Variants in ATG12 observed in about 807,000 individuals in gnomAD.
The protein encoded by ATG12 is ubiquitin-like protein ATG12.
Under a neutral mutation model 17.6 loss-of-function variants are expected in ATG12, and 19 were observed. The ratio of observed to expected loss-of-function variants is 1.08; its 90% confidence interval spans 0.75 to 1.58. ATG12 has a LOEUF of 1.58. Ranked by LOEUF, ATG12 falls within the 40% of genes most tolerant of loss-of-function variation. The probability of loss-of-function intolerance (pLI) is 0.00; values close to 1 mark genes in which losing one functional copy is unlikely to be tolerated. For missense variants in ATG12, 214 were observed against 162.0 expected, an observed-to-expected ratio of 1.32 and a Z score of -1.74; for synonymous variants, 75 against 62.4, an observed-to-expected ratio of 1.20 and a Z score of -0.95.
At chr5:115,832,036 C>A (rs1485841579) in intron 3 of ATG12, among the ~76,000 whole-genome samples, 173 bp from the exon 4 acceptor site, 2 of 152,164 alleles carry the variant, frequency 1.3e-5, no homozygotes, top group East Asian at 3.8e-4. Context: ...TATTAATAAT[C>A]CTAAGTGTTT....
In ATG12 at chr5:115,837,643, C is replaced by T; in HGVS notation, c.285G>A (p.Val95=). The change falls in exon 2 of 4, where the codon GTG becomes GTA. Residue 95 remains valine (V), a synonymous_variant. Coordinates refer to ENST00000509910, the MANE Select transcript of ATG12 (RefSeq NM_004707.4). ...IDFIKKFLKL[V]ASEQLFIYVN... ...GGTTTCATACCAACTGTTCTGAGGC[C>T]ACAAGTTTAAGAAACTTTTTGATGA... is the stretch of plus-strand genomic sequence containing the variant. 1 of 1,611,126 alleles carries T rather than the reference C, an allele frequency of 6.2e-7. No individual in the cohort carries two copies. Among genetic ancestry groups the T allele is most frequent in the South Asian group, 1.1e-5 (1 of 90,772 alleles).
chr5:115,834,927 C>T (rs1761028272), intron 2 of ATG12: 1 of 152,170 alleles, frequency 6.6e-6, no homozygotes, highest in African/African-American at 2.4e-5. Flanking sequence ...CCTTAAATGA[C>T]ATTTTTACAG....
At chr5:115,840,320 G>A (rs1292414951) in intron 1 of ATG12, among the ~76,000 whole-genome samples, 2 of 148,684 alleles carry the variant, frequency 1.3e-5, no homozygotes, top group Admixed American at 6.7e-5. Context: ...TTTTTGAGGC[G>A]GAGTTTCGCT....
rs746492101 is a variant in ATG12, at chr5:115,841,385, G to C, written c.163+5C>G. On this transcript the variant is annotated splice_donor_5th_base_variant and intron_variant, in intron 1 of 3. Coordinates refer to ENST00000509910, the MANE Select transcript of ATG12 (RefSeq NM_004707.4). ...GCCTCTCTGCCCGGAAATAAATTCA[G>C]TTACTTTTTTTCTTGGTGTCGCCAG... The C allele has an allele frequency of 2.5e-6, 4 of 1,610,996 alleles. No homozygotes were observed. The highest frequency in any genetic ancestry group is 2.5e-6 in the Non-Finnish European group (3 of 1,179,620).
At chr5:115,832,938 CT>C (rs1416722221) in intron 2 of ATG12, 5 of 278,670 alleles carry the variant, frequency 1.8e-5, no homozygotes, top group African/African-American at 1.1e-4. Context: ...TTACAAATAG[CT>C]TTTGAAGAGC....
chr5:115,839,267 C>G (rs529980679), intron 1 of ATG12: 2 of 152,146 alleles, frequency 1.3e-5, no homozygotes, highest in African/African-American at 4.8e-5. Flanking sequence ...GCCAAAAGAT[C>G]AGAGGTCATT....
intron 1 of ATG12, chr5:115,840,801 G>A (rs950314254): frequency 4.2e-6 from 5 of 1,202,624 alleles, no homozygotes; most frequent in Non-Finnish European, 3.2e-6. Context: ...GCTGACTCAA[G>A]CAATGAAATA....
At chr5:115,841,362 C>T (rs1414834990) in intron 1 of ATG12, 28 bp downstream of exon 1, 6 of 1,609,648 alleles carry the variant, frequency 3.7e-6, no homozygotes, top group Middle Eastern at 2.1e-4. Flanking sequence ...AACCTCCCGC[C>T]TCTCTGCCCG....
rs571781518 is a variant in ATG12 at position 115,829,666 on chromosome 5, G to A, written c.*2138C>T. 6.6e-6 allele frequency: 1 copy of A among 152,286 alleles called. No homozygotes were observed. Among genetic ancestry groups the A allele is most frequent in the East Asian group, 1.9e-4 (1 of 5,190 alleles). 9.4% of individuals were successfully genotyped at this position (152,286 alleles called of 1,614,324 possible). ...TTTTCCCCCAAGTTTAATCAGACTT[G>A]AGAGTTTAAATTAAAAATAAATTGT... On this transcript the variant is annotated 3_prime_UTR_variant, in exon 4 of 4. Coordinates refer to ENST00000509910, the MANE Select transcript of ATG12 (RefSeq NM_004707.4).
intron 2 of ATG12, among the ~76,000 whole-genome samples, chr5:115,835,827 C>T (rs926059994): frequency 2.0e-5 from 3 of 152,124 alleles, no homozygotes; most frequent in Non-Finnish European, 4.4e-5. Flanking sequence ...CCATGCAGGT[C>T]CTGTGGTTGC....
chr5:115,832,515 A>G lies in ATG12; in HGVS notation c.363+87T>C. 3.0e-6 allele frequency: 4 copies of G among 1,348,602 alleles called. No homozygotes were observed. In the South Asian group the frequency reaches 6.8e-5, roughly 23 times the overall value. 83.5% of individuals were successfully genotyped at this position (1,348,602 alleles called of 1,614,324 possible). On this transcript the variant is annotated intron_variant, in intron 3 of 3. Coordinates refer to ENST00000509910, the MANE Select transcript of ATG12 (RefSeq NM_004707.4). The stretch of plus-strand genomic sequence containing the variant: ...ATGTGAATTAACAATACTACACAAT[A>G]TACATATTATACAGATGTGCATACT...
At position 115,831,296 on chromosome 5, in the gene ATG12, A is replaced by T. The variant is rs1455131819; in HGVS notation, c.*508T>A. 1 of 154,612 alleles carries T rather than the reference A, an allele frequency of 6.5e-6. No individual in the cohort carries two copies. The highest frequency in any genetic ancestry group is 1.4e-5 in the Non-Finnish European group (1 of 69,860). 9.6% of individuals were successfully genotyped at this position (154,612 alleles called of 1,614,324 possible). ...GCCATTTCCCCTATTATTCCCCAGC[A>T]AAGATGTGAAACCAAAACGCCTAAC... On this transcript the variant is annotated 3_prime_UTR_variant, in exon 4 of 4. Transcript: ENST00000509910.
chr5:115,832,652 T>C lies in ATG12; in HGVS notation c.313A>G (p.Asn105Asp), dbSNP rs776153094. 2.7e-6 allele frequency: 4 copies of C among 1,500,908 alleles called. No individual in the cohort carries two copies. 93.0% of individuals were successfully genotyped at this position (1,500,908 alleles called of 1,614,324 possible). Residue 105 changes from asparagine to aspartate, a missense_variant, in exon 3 of 4, where the codon AAT becomes GAT. Physicochemically the swap from Asn to Asp is conservative, Grantham distance 23 (BLOSUM62 1). Coordinates refer to ENST00000509910, the MANE Select transcript of ATG12 (RefSeq NM_004707.4). ...TCTGGGGAAGGAGCAAAGGACTGAT[T>C]CACATAAATAAACTACAAGAAAGGA... is the stretch of plus-strand genomic sequence containing the variant. ...VASEQLFIYVNQSFAPSPDQE... is the reference protein window; with the variant it reads ...VASEQLFIYVDQSFAPSPDQE...
At chr5:115,834,543 CTTTTT>C in intron 2 of ATG12, among the ~76,000 whole-genome samples, 1 of 152,100 alleles carries the variant, frequency 6.6e-6, no homozygotes, top group South Asian at 2.1e-4. Flanking sequence ...TTTAAATCAG[CTTTTT>C]TTTCTTTCTG....
At position 115,828,497 on chromosome 5, in the gene ATG12, G is replaced by C. The variant is rs970141512; in HGVS notation, c.*3307C>G. ...TGGGGTTCAAGGTGTTTCATGTTTT[G>C]TTGGCCATTTGTATCTTTTTGTGAA... On this transcript the variant is annotated 3_prime_UTR_variant, in exon 4 of 4. Transcript: ENST00000509910. The C allele has an allele frequency of 1.3e-5, 2 of 151,998 alleles. No individual in the cohort carries two copies. Among genetic ancestry groups the C allele is most frequent in the African/African-American group, 4.8e-5 (2 of 41,382 alleles). The allele number at this position is 151,998 out of a possible 1,614,324, so 9.4% of individuals were successfully genotyped here.
intron 1 of ATG12, 39 bp downstream of exon 1, chr5:115,841,351 G>A: frequency 1.2e-6 from 2 of 1,608,440 alleles, no homozygotes; most frequent in Non-Finnish European, 1.7e-6. Flanking sequence ...GATGCAATCT[G>A]AACCTCCCGC....
rs866083681 is a variant in ATG12, at chr5:115,830,418, A to G, written c.*1386T>C. The G allele has an allele frequency of 2.7e-4, 41 of 152,310 alleles. No homozygotes were observed. Among genetic ancestry groups the G allele is most frequent in the African/African-American group, 9.4e-4 (39 of 41,556 alleles). 9.4% of individuals were successfully genotyped at this position (152,310 alleles called of 1,614,324 possible). A position where few individuals can be genotyped will look rare whatever the true frequency, so the allele number is the denominator to read the frequency against. ...TTCCTTCAGTAAACTGAACTGGACA[A>G]AACTAGAGAACAGACCTTTTCCATA... On this transcript the variant is annotated 3_prime_UTR_variant, in exon 4 of 4. Coordinates refer to ENST00000509910, the MANE Select transcript of ATG12 (RefSeq NM_004707.4).
intron 2 of ATG12, chr5:115,833,628 A>G (rs532182366): frequency 4.5e-4 from 68 of 152,262 alleles, no homozygotes; most frequent in African/African-American, 1.6e-3. Flanking sequence ...GAGATAATAC[A>G]CTAACTTTCA....
intron 1 of ATG12, chr5:115,840,381 T>A (rs1761332080): frequency 2.2e-5 from 4 of 183,294 alleles, no homozygotes; most frequent in South Asian, 2.0e-4. Flanking sequence ...CACTGCCACC[T>A]CCGCCTCGCG....
Sources: gnomAD v4.1 joint callset for allele counts (sites outside exome capture counted in the v4.1 genomes callset) on GRCh38, gnomAD v4.1.1 for gene constraint, MANE v1.5 for transcripts, NCBI Gene and HGNC (gene_info 2026-07-23, HGNC 2026-07-21) for gene names.